Variants in ASIC2 observed in about 807,000 individuals in gnomAD.
ASIC2 encodes the protein acid sensing ion channel subunit 2, also known as acid-sensing ion channel 2.
Under a neutral mutation model 57.3 loss-of-function variants are expected in ASIC2, and 25 were observed. The observed-to-expected ratio is 0.44, with a 90% confidence interval of 0.32 to 0.61. ASIC2 has a LOEUF of 0.61. Among genes scored for constraint, ASIC2 ranks in the 20% least tolerant of loss-of-function variants. ASIC2 has a pLI of 0.06. For synonymous variants in ASIC2, 319 were observed against 307.5 expected (o/e 1.04, Z -0.39); for missense variants, 641 against 738.1 (o/e 0.87, Z 1.52).
At chr17:33,760,307 T>C (rs1203866095) in intron 1 of ASIC2, among the ~76,000 whole-genome samples, 1 of 152,070 alleles carries the variant, frequency 6.6e-6, no homozygotes, top group East Asian at 1.9e-4. Context: ...TTATAAATAA[T>C]GTATGTTTTT....
At chr17:34,040,131 C>CCCGGGCGGCCACGGGA (rs1908063807) in intron 1 of ASIC2, among the ~76,000 whole-genome samples, 1 of 104,182 alleles carries the variant, frequency 9.6e-6, no homozygotes, top group Non-Finnish European at 1.8e-5. Flanking sequence ...CGGCCCCGGG[C>CCCGGGCGGCCACGGGA]CCGGGCGGCC....
intron 1 of ASIC2, among the ~76,000 whole-genome samples, chr17:34,099,445 GAA>G (rs1910730007): frequency 1.4e-5 from 1 of 73,654 alleles, no homozygotes; most frequent in Non-Finnish European, 3.2e-5. Context: ...AAAAGAAAGA[GAA>G]AGAAAGAAAA....
chr17:33,954,739 A>G (rs1021054705), intron 1 of ASIC2, among the ~76,000 whole-genome samples: 4 of 152,210 alleles, frequency 2.6e-5, no homozygotes, highest in African/African-American at 9.6e-5. Flanking sequence ...GAGATGTCTT[A>G]TGCAACAGAA....
chr17:34,117,854 C>T (rs1911473840), intron 1 of ASIC2, among the ~76,000 whole-genome samples: 1 of 152,112 alleles, frequency 6.6e-6, no homozygotes, highest in African/African-American at 2.4e-5. Flanking sequence ...GGAACAGATT[C>T]CAGGGGAGAT....
At chr17:33,091,128 C>G (rs184228121) in intron 2 of ASIC2, among the ~76,000 whole-genome samples, 4 of 152,318 alleles carry the variant, frequency 2.6e-5, no homozygotes, top group African/African-American at 9.6e-5. Flanking sequence ...CATCACCTAA[C>G]CCAGGGCCTG....
At chr17:33,657,198 A>G (rs75718796) in intron 1 of ASIC2, among the ~76,000 whole-genome samples, 1 of 152,180 alleles carries the variant, frequency 6.6e-6, no homozygotes, top group African/African-American at 2.4e-5. Flanking sequence ...CTGGGCACAC[A>G]CAACCCAGTC....
chr17:33,273,411 G>A (rs1202476061), intron 1 of ASIC2, among the ~76,000 whole-genome samples: 2 of 152,144 alleles, frequency 1.3e-5, no homozygotes, highest in Non-Finnish European at 2.9e-5. Flanking sequence ...GTTACTCTCT[G>A]CCCAGGAACC....
intron 1 of ASIC2, among the ~76,000 whole-genome samples, chr17:34,136,198 A>G (rs1483708034): frequency 6.6e-6 from 1 of 152,220 alleles, no homozygotes; most frequent in Non-Finnish European, 1.5e-5. Context: ...CTCTGACGTA[A>G]CATCACATGA....
At chr17:33,153,082 C>G (rs1453778140) in intron 1 of ASIC2, among the ~76,000 whole-genome samples, 1 of 152,134 alleles carries the variant, frequency 6.6e-6, no homozygotes, top group Admixed American at 6.5e-5. Context: ...TCGTAAAGCT[C>G]TTTATTATGC....
chr17:33,676,331 T>A (rs1224923572), intron 1 of ASIC2, among the ~76,000 whole-genome samples: 1 of 152,248 alleles, frequency 6.6e-6, no homozygotes, highest in Non-Finnish European at 1.5e-5. Flanking sequence ...TAGAAATGAT[T>A]ATGCTTAGTG....
intron 1 of ASIC2, among the ~76,000 whole-genome samples, chr17:34,139,657 A>C (rs1367235843): frequency 6.6e-6 from 1 of 152,242 alleles, no homozygotes; most frequent in African/African-American, 2.4e-5. Flanking sequence ...TCTATCACAA[A>C]ATGCACATAC....
intron 1 of ASIC2, among the ~76,000 whole-genome samples, chr17:34,131,048 G>A (rs570121075): frequency 6.6e-6 from 1 of 152,314 alleles, no homozygotes; most frequent in African/African-American, 2.4e-5. Context: ...TGCTAAGGGA[G>A]AGAAAAAGGA....
intron 1 of ASIC2, among the ~76,000 whole-genome samples, chr17:34,146,596 G>A (rs1442091352): frequency 6.6e-6 from 1 of 152,168 alleles, no homozygotes; most frequent in Non-Finnish European, 1.5e-5. Flanking sequence ...TGAGATGACT[G>A]GCATTTCCTA....
At chr17:33,583,100 G>C (rs907747345) in intron 1 of ASIC2, among the ~76,000 whole-genome samples, 4 of 152,192 alleles carry the variant, frequency 2.6e-5, no homozygotes, top group African/African-American at 9.7e-5. Flanking sequence ...GCAGCGGCTT[G>C]GTCTAAGGTA....
intron 1 of ASIC2, among the ~76,000 whole-genome samples, chr17:33,313,180 G>C (rs1226351032): frequency 6.6e-6 from 1 of 151,978 alleles, no homozygotes; most frequent in Admixed American, 6.6e-5. Flanking sequence ...TAAAAAATTA[G>C]CCAGGCATAG....
At chr17:33,502,677 C>G (rs776203614) in intron 1 of ASIC2, among the ~76,000 whole-genome samples, 2 of 152,320 alleles carry the variant, frequency 1.3e-5, no homozygotes, top group Admixed American at 6.5e-5. Context: ...CCCAACCATG[C>G]CACCAAACAG....
At chr17:33,225,942 T>C (rs1410798201) in intron 1 of ASIC2, among the ~76,000 whole-genome samples, 2 of 152,214 alleles carry the variant, frequency 1.3e-5, no homozygotes, top group Non-Finnish European at 2.9e-5. Flanking sequence ...CTCATTTTTT[T>C]CATTCATTTA....
chr17:33,501,269 C>T (rs992099781), intron 1 of ASIC2, among the ~76,000 whole-genome samples: 11 of 152,212 alleles, frequency 7.2e-5, no homozygotes, highest in African/African-American at 1.9e-4. Context: ...CACTGTGTCT[C>T]ATTGTATGCA....
At chr17:33,635,211 A>G (rs1261257477) in intron 1 of ASIC2, among the ~76,000 whole-genome samples, 2 of 152,214 alleles carry the variant, frequency 1.3e-5, no homozygotes, top group African/African-American at 4.8e-5. Flanking sequence ...ACTAGATACA[A>G]TTGCTGTATT....
Sources: gnomAD v4.1 joint callset for allele counts (sites outside exome capture counted in the v4.1 genomes callset) on GRCh38, gnomAD v4.1.1 for gene constraint, MANE v1.5 for transcripts, NCBI Gene and HGNC (gene_info 2026-07-23, HGNC 2026-07-21) for gene names.